The following HS6ST3 variants were observed in gnomAD, a reference collection of about 807,000 sequenced individuals.
HS6ST3 encodes heparan sulfate 6-O-sulfotransferase 3.
HS6ST3 carries 12 observed loss-of-function variants against 36.7 expected under a neutral mutation model. The observed-to-expected ratio is 0.33, with a 90% CI of 0.21 to 0.53. HS6ST3 has a LOEUF of 0.53. HS6ST3 is among the 20% of genes least tolerant of loss of function. The pLI is 0.95. For synonymous variants in HS6ST3, 240 were observed against 257.5 expected (o/e 0.93, Z 0.65); for missense variants, 584 against 640.9 (o/e 0.91, Z 0.96).
At chr13:96,701,020 G>A (rs956916987) in intron 1 of HS6ST3, among the ~76,000 whole-genome samples, 1 of 152,162 alleles carries the variant, frequency 6.6e-6, no homozygotes, top group Non-Finnish European at 1.5e-5. Flanking sequence ...CACAATTTAA[G>A]GGTGAAGAGT....
rs569100769 is a variant in HS6ST3 at position 96,766,082 on chromosome 13, G to GA, written c.708-66401dup. Among the ~76,000 whole-genome samples, 95 of 152,068 alleles carry GA rather than the reference G, an allele frequency of 6.2e-4. No homozygotes were observed. In the East Asian group the frequency reaches 0.017, roughly 27 times the overall value. ...TCCCTTTTGTAGCCCTGGGTTGTAA[G>GA]AAAAAAAGCATAAGAAAAATAGCTG... is the stretch of plus-strand genomic sequence containing the variant. On this transcript the variant is annotated intron_variant, in intron 1 of 1. Coordinates refer to ENST00000376705, the MANE Select transcript of HS6ST3 (RefSeq NM_153456.4).
At chr13:96,752,415 C>A (rs184506781) in intron 1 of HS6ST3, among the ~76,000 whole-genome samples, 1 of 152,252 alleles carries the variant, frequency 6.6e-6, no homozygotes, top group East Asian at 1.9e-4. Context: ...ACACACCCAC[C>A]AGCAGTGTTG....
chr13:96,564,784 A>G (rs1186048945), intron 1 of HS6ST3, among the ~76,000 whole-genome samples: 1 of 152,216 alleles, frequency 6.6e-6, no homozygotes, highest in Non-Finnish European at 1.5e-5. Flanking sequence ...GTCCTCAAAT[A>G]GAGGAATACT....
chr13:96,511,985 A>G (rs1469756737), intron 1 of HS6ST3, among the ~76,000 whole-genome samples: 1 of 152,208 alleles, frequency 6.6e-6, no homozygotes, highest in Non-Finnish European at 1.5e-5. Context: ...AGTTGGTTTA[A>G]GGTACCAACT....
intron 1 of HS6ST3, among the ~76,000 whole-genome samples, chr13:96,216,572 A>T (rs958081866): frequency 6.6e-6 from 1 of 152,192 alleles, no homozygotes; most frequent in African/African-American, 2.4e-5. Context: ...CAACTGGATT[A>T]GTGCAAGCTG....
intron 1 of HS6ST3, among the ~76,000 whole-genome samples, chr13:96,401,551 T>C (rs1033358818): frequency 1.3e-5 from 2 of 152,192 alleles, no homozygotes; most frequent in African/African-American, 2.4e-5. Flanking sequence ...ATAATATTCA[T>C]GAATCAAAAA....
In HS6ST3 at chr13:96,836,168, A is replaced by G. The variant is rs1287968546; in HGVS notation, c.*2970A>G. Reference sequence around the variant, plus strand: ...ATCCCAAACCAAATCAACTCCAGATATATCAGTGTCAAAAGCCCAAGAAAA... The same window carrying G: ...ATCCCAAACCAAATCAACTCCAGATGTATCAGTGTCAAAAGCCCAAGAAAA... On this transcript the variant is annotated 3_prime_UTR_variant, in exon 2 of 2. Coordinates refer to ENST00000376705, the MANE Select transcript of HS6ST3 (RefSeq NM_153456.4). The G allele has an allele frequency of 6.6e-6, 1 of 152,244 alleles. No homozygotes were observed. 9.4% of individuals were successfully genotyped at this position (152,244 alleles called of 1,614,324 possible).
intron 1 of HS6ST3, among the ~76,000 whole-genome samples, chr13:96,332,591 TC>T (rs2055077199): frequency 6.6e-6 from 1 of 152,212 alleles, no homozygotes; most frequent in Non-Finnish European, 1.5e-5. Context: ...GGCTGTAATT[TC>T]CCTTAATTGT....
chr13:96,549,751 A>G (rs753918800), intron 1 of HS6ST3, among the ~76,000 whole-genome samples: 5 of 152,016 alleles, frequency 3.3e-5, no homozygotes, highest in Non-Finnish European at 7.4e-5. Flanking sequence ...CAAGATGTTC[A>G]TGGTCTTTGA....
In HS6ST3 at chr13:96,703,454, T is replaced by C. The variant is rs1875341151; in HGVS notation, c.708-129036T>C. On this transcript the variant is annotated intron_variant, in intron 1 of 1. Transcript: ENST00000376705. Reference sequence around the variant, plus strand: ...GGAGAATGAAAATAATGTTGTGCTCTCATCAGAGGCACTTAGCCTGATTGG... The same window carrying C: ...GGAGAATGAAAATAATGTTGTGCTCCCATCAGAGGCACTTAGCCTGATTGG... Among the ~76,000 whole-genome samples the C allele has an allele frequency of 2.0e-5, 3 of 152,336 alleles. No individual in the cohort carries two copies. In the East Asian group the frequency reaches 5.8e-4, roughly 29 times the overall value.
chr13:96,506,132 T>C (rs908833438), intron 1 of HS6ST3, among the ~76,000 whole-genome samples: 1 of 152,118 alleles, frequency 6.6e-6, no homozygotes, highest in African/African-American at 2.4e-5. Flanking sequence ...ATTTGAATAA[T>C]AGATGTCAGA....
chr13:96,200,397 C>T (rs963344247), intron 1 of HS6ST3, among the ~76,000 whole-genome samples: 2 of 152,222 alleles, frequency 1.3e-5, no homozygotes, highest in African/African-American at 4.8e-5. Context: ...TAGGACTTTG[C>T]ACTGGCAGTT....
chr13:96,726,981 A>G (rs1876021978), intron 1 of HS6ST3, among the ~76,000 whole-genome samples: 1 of 152,164 alleles, frequency 6.6e-6, no homozygotes, highest in Admixed American at 6.5e-5. Flanking sequence ...TCTGTGTGAT[A>G]TTAGGCAAGT....
At chr13:96,257,476 CTGTT>C (rs764270652) in intron 1 of HS6ST3, among the ~76,000 whole-genome samples, 22 of 152,268 alleles carry the variant, frequency 1.4e-4, no homozygotes, top group African/African-American at 5.1e-4. Flanking sequence ...TAGTGCCAAA[CTGTT>C]TGGGTTTGAA....
At chr13:96,661,659 T>C (rs923801453) in intron 1 of HS6ST3, among the ~76,000 whole-genome samples, 3 of 152,140 alleles carry the variant, frequency 2.0e-5, no homozygotes, top group East Asian at 3.9e-4. Flanking sequence ...AGTTGCTTCA[T>C]AGTCATAAAT....
intron 1 of HS6ST3, among the ~76,000 whole-genome samples, chr13:96,389,036 G>A (rs2055382609): frequency 6.6e-6 from 1 of 152,154 alleles, no homozygotes; most frequent in Non-Finnish European, 1.5e-5. Context: ...TAGAAATCTT[G>A]TGAATTGGTT....
At chr13:96,203,189 G>C (rs1742911183) in intron 1 of HS6ST3, among the ~76,000 whole-genome samples, 1 of 152,172 alleles carries the variant, frequency 6.6e-6, no homozygotes, top group South Asian at 2.1e-4. Flanking sequence ...ACAATAGACA[G>C]GGTGGCTTAT....
chr13:96,494,092 A>G (rs971207034), intron 1 of HS6ST3, among the ~76,000 whole-genome samples: 1 of 152,134 alleles, frequency 6.6e-6, no homozygotes, highest in African/African-American at 2.4e-5. Flanking sequence ...GCGTAGAACC[A>G]CGATGTACCT....
At chr13:96,093,815 A>C (rs543957594) in intron 1 of HS6ST3, among the ~76,000 whole-genome samples, 2 of 152,276 alleles carry the variant, frequency 1.3e-5, no homozygotes, top group African/African-American at 4.8e-5. Flanking sequence ...GTTGTCTGTC[A>C]TTGTAATGTC....
Sources: allele counts gnomAD v4.1 joint callset (sites outside exome capture counted in the v4.1 genomes callset), GRCh38; gene constraint gnomAD v4.1.1; transcripts MANE v1.5; gene names NCBI Gene and HGNC (gene_info 2026-07-23, HGNC 2026-07-21).